The following LHPP variants were observed in gnomAD, a reference collection of about 807,000 sequenced individuals.
The protein encoded by LHPP is hLHPP.
A neutral mutation model predicts 30.3 loss-of-function variants in LHPP; 24 were observed. The observed-to-expected ratio is 0.79, with a 90% CI of 0.57 to 1.11. The LOEUF is 1.11. Ranked by LOEUF, LHPP falls within the 50% of genes most tolerant of loss-of-function variation. The pLI is 0.00. For synonymous variants in LHPP, 150 were observed against 157.1 expected (o/e 0.95, Z 0.34); for missense variants, 356 against 367.2 (o/e 0.97, Z 0.25).
At chr10:124,464,963 G>A (rs780271550) in intron 1 of LHPP, among the ~76,000 whole-genome samples, 5 of 152,174 alleles carry the variant, frequency 3.3e-5, no homozygotes, top group African/African-American at 9.7e-5. Flanking sequence ...AGGGTCTGAT[G>A]TGTGGAGGGG....
Position 124,564,251 on chromosome 10 carries a change from G to C in LHPP, c.716+46980G>C, listed in dbSNP as rs189378685. On this transcript the variant is annotated intron_variant, in intron 6 of 6. Transcript: ENST00000368842. ...TGATTCTCCTGCTTCAGCCTCCCGA[G>C]TAGCTGGGACTACAGGCACGCAGCA... Among the ~76,000 whole-genome samples the C allele has an allele frequency of 4.4e-3, 662 of 152,000 alleles. 4 individuals carry two copies. Among genetic ancestry groups the C allele is most frequent in the African/African-American group, 0.016 (645 of 41,384 alleles).
chr10:124,518,367 CA>C (rs1954515608), intron 6 of LHPP, among the ~76,000 whole-genome samples: 1 of 152,266 alleles, frequency 6.6e-6, no homozygotes, highest in Non-Finnish European at 1.5e-5. Flanking sequence ...AGAGACCAGC[CA>C]GGGGTCCCCC....
intron 6 of LHPP, among the ~76,000 whole-genome samples, chr10:124,589,567 T>C (rs1212890355): frequency 2.0e-5 from 3 of 152,202 alleles, no homozygotes; most frequent in African/African-American, 7.2e-5. Flanking sequence ...AGCAGGACTG[T>C]TGACACGAGA....
chr10:124,526,439 C>T (rs1401641850), intron 6 of LHPP, among the ~76,000 whole-genome samples: 1 of 152,224 alleles, frequency 6.6e-6, no homozygotes, highest in Non-Finnish European at 1.5e-5. Context: ...CTACCAGTGT[C>T]AGAATCGGGA....
At chr10:124,587,759 AAAAAAACC>A (rs1478287376) in intron 6 of LHPP, among the ~76,000 whole-genome samples, 102 of 143,200 alleles carry the variant, frequency 7.1e-4, no homozygotes, top group African/African-American at 2.6e-3. Context: ...AAAAAAAAAA[AAAAAAACC>A]AAAAAAACCC....
intron 6 of LHPP, among the ~76,000 whole-genome samples, chr10:124,573,852 G>T (rs1564837405): frequency 6.6e-6 from 1 of 152,100 alleles, no homozygotes; most frequent in East Asian, 1.9e-4. Context: ...AGCTGTCGGG[G>T]GCTGTGGGGG....
chr10:124,583,680 TA>T (rs1252685936), intron 6 of LHPP, among the ~76,000 whole-genome samples: 1 of 152,172 alleles, frequency 6.6e-6, no homozygotes, highest in Non-Finnish European at 1.5e-5. Context: ...CGTATACTTC[TA>T]AATGACCAGA....
chr10:124,494,467 C>T (rs1953641083), intron 3 of LHPP, among the ~76,000 whole-genome samples: 1 of 152,166 alleles, frequency 6.6e-6, no homozygotes, highest in Admixed American at 6.5e-5. Flanking sequence ...ATATTCTTTC[C>T]TCCGTCCTGG....
intron 6 of LHPP, among the ~76,000 whole-genome samples, chr10:124,574,422 G>T (rs1036114013): frequency 6.6e-6 from 1 of 152,174 alleles, no homozygotes; most frequent in African/African-American, 2.4e-5. Context: ...AACTTCACAG[G>T]CAGAGAGCCT....
chr10:124,462,552 C>T (rs1306603790), intron 1 of LHPP, among the ~76,000 whole-genome samples: 1 of 152,088 alleles, frequency 6.6e-6, no homozygotes, highest in African/African-American at 2.4e-5. Context: ...CTGTGATCAC[C>T]CCACTGTACT....
chr10:124,480,039 A>T (rs1349814544), intron 1 of LHPP, among the ~76,000 whole-genome samples: 4 of 152,220 alleles, frequency 2.6e-5, no homozygotes, highest in Admixed American at 2.6e-4. Flanking sequence ...ATGGATCCTG[A>T]GTGACACCAC....
intron 1 of LHPP, 31 bp downstream of exon 1, chr10:124,462,018 G>T: frequency 8.3e-7 from 1 of 1,200,448 alleles, no homozygotes; most frequent in Non-Finnish European, 1.0e-6. Context: ...CGCTGGGGCC[G>T]CCGAGCTCTA....
intron 5 of LHPP, among the ~76,000 whole-genome samples, chr10:124,500,789 C>T (rs1198696774): frequency 6.6e-6 from 1 of 151,924 alleles, no homozygotes; most frequent in Non-Finnish European, 1.5e-5. Flanking sequence ...GAACCCTTCT[C>T]TATTGCTGCT....
At chr10:124,533,506 C>T (rs1954947346) in intron 6 of LHPP, among the ~76,000 whole-genome samples, 1 of 152,220 alleles carries the variant, frequency 6.6e-6, no homozygotes, top group African/African-American at 2.4e-5. Context: ...CAGAGTGTGG[C>T]ACGCCTTGGG....
intron 6 of LHPP, among the ~76,000 whole-genome samples, chr10:124,563,245 G>A (rs1948425992): frequency 6.6e-6 from 1 of 151,136 alleles, no homozygotes; most frequent in African/African-American, 2.4e-5. Context: ...TGGGTGACGA[G>A]AGGAACTACA....
At position 124,537,441 on chromosome 10, in the gene LHPP, CTG is replaced by C. The variant is rs1340147526; in HGVS notation, c.716+20173_716+20174del. ...GCAGGCGGGCCCAGCCCGGAGCAAG[CTG>C]TGCCATTGGCGATGCGGGGAGGCTG... On this transcript the variant is annotated intron_variant, in intron 6 of 6. Coordinates refer to ENST00000368842, the MANE Select transcript of LHPP (RefSeq NM_022126.4). Among the ~76,000 whole-genome samples the C allele has an allele frequency of 2.6e-5, 4 of 152,238 alleles. 1 individual carries two copies. Among genetic ancestry groups the C allele is most frequent in the African/African-American group, 9.6e-5 (4 of 41,474 alleles).
At chr10:124,549,804 C>T (rs1453912403) in intron 6 of LHPP, among the ~76,000 whole-genome samples, 1 of 152,366 alleles carries the variant, frequency 6.6e-6, no homozygotes, top group East Asian at 1.9e-4. Context: ...GGGTTGAATC[C>T]TGGCTGAGTG....
chr10:124,581,766 TATACAC>T (rs113582137), intron 6 of LHPP, among the ~76,000 whole-genome samples: 7,210 of 94,380 alleles, frequency 0.076, 516 homozygotes, highest in African/African-American at 0.28. Context: ...CATATATGTA[TATACAC>T]ACACACACAC....
chr10:124,531,347 G>GC (rs1156331911), intron 6 of LHPP, among the ~76,000 whole-genome samples: 8 of 152,192 alleles, frequency 5.3e-5, no homozygotes, highest in African/African-American at 1.7e-4. Context: ...GAATTACCTG[G>GC]CACTCCCTGG....
Sources: gnomAD v4.1 joint callset for allele counts (sites outside exome capture counted in the v4.1 genomes callset) on GRCh38, gnomAD v4.1.1 for gene constraint, MANE v1.5 for transcripts, NCBI Gene and HGNC (gene_info 2026-07-23, HGNC 2026-07-21) for gene names.